Variants in ARMC9 observed in about 807,000 individuals in gnomAD.
The protein encoded by ARMC9 is lisH domain-containing protein ARMC9.
A neutral mutation model predicts 107.0 loss-of-function variants in ARMC9; 94 were observed. The observed-to-expected ratio is 0.88, with a 90% CI of 0.74 to 1.04. The LOEUF (loss-of-function observed/expected upper bound fraction) is 1.04. Among genes scored for constraint, ARMC9 ranks in the 50% least tolerant of loss-of-function variants. ARMC9 has a pLI of 0.00. For synonymous variants in ARMC9, 380 were observed against 396.9 expected (o/e 0.96, Z 0.51); for missense variants, 942 against 1,030.1 (o/e 0.91, Z 1.17).
At chr2:231,278,348 C>T in intron 15 of ARMC9, 34 bp from the exon 16 acceptor site, 1 of 1,606,118 alleles carries the variant, frequency 6.2e-7, no homozygotes, top group Non-Finnish European at 8.5e-7. Context: ...TGGGTTTAGA[C>T]ATGTCATGTT....
At position 231,358,600 on chromosome 2, in the gene ARMC9, G is replaced by A. The variant is rs114903745; in HGVS notation, c.2132-2154G>A. ...CTCGCTGCTGAGTCTGGCCTGTGCT[G>A]GGAACTAACGCCCCACCCAGAGACC... is the stretch of plus-strand genomic sequence containing the variant. On this transcript the variant is annotated intron_variant, in intron 22 of 24. Transcript: ENST00000611582. This position sits in a 1 kb window ranked among gnomAD's most constrained non-coding sequence, Gnocchi z 4.5. Among the ~76,000 whole-genome samples, 747 of 152,254 alleles carry A rather than the reference G, an allele frequency of 4.9e-3. 6 individuals are homozygous for A. Among genetic ancestry groups the A allele is most frequent in the African/African-American group, 0.017 (707 of 41,542 alleles).
intron 1 of ARMC9, among the ~76,000 whole-genome samples, chr2:231,202,319 CTT>C (rs745728209): frequency 1.0e-4 from 13 of 123,876 alleles, no homozygotes; most frequent in Admixed American, 1.7e-4. Context: ...TCTTGTTTCA[CTT>C]TTTTTTTTTT....
At chr2:231,370,319 G>A (rs1396391941) in intron 24 of ARMC9, among the ~76,000 whole-genome samples, 194 bp downstream of exon 24, 3 of 152,212 alleles carry the variant, frequency 2.0e-5, no homozygotes, top group Non-Finnish European at 4.4e-5. Context: ...GACCGGTTCT[G>A]CATGAATCTT....
chr2:231,301,701 G>A (rs944739312), intron 19 of ARMC9, among the ~76,000 whole-genome samples: 4 of 151,878 alleles, frequency 2.6e-5, no homozygotes, highest in African/African-American at 9.7e-5. Context: ...AGATTGAGGC[G>A]GGATGTGGTG....
At chr2:231,342,774 C>G (rs1459316546) in intron 20 of ARMC9, among the ~76,000 whole-genome samples, 1 of 152,164 alleles carries the variant, frequency 6.6e-6, no homozygotes, top group Non-Finnish European at 1.5e-5. Context: ...GGCGACGCAA[C>G]TGCATTTTAG....
At chr2:231,259,174 T>C (rs2038110792) in intron 11 of ARMC9, 72 bp downstream of exon 11, 1 of 1,290,562 alleles carries the variant, frequency 7.7e-7, no homozygotes, top group South Asian at 1.3e-5. Flanking sequence ...GCTACCTTGC[T>C]TATATCTTTT....
intron 9 of ARMC9, among the ~76,000 whole-genome samples, chr2:231,254,066 C>G (rs2125399506): frequency 6.6e-6 from 1 of 152,196 alleles, no homozygotes; most frequent in South Asian, 2.1e-4. Flanking sequence ...ACAGCTGGCT[C>G]TCGGGGAACA....
At chr2:231,259,945 A>G (rs1280203223) in intron 11 of ARMC9, among the ~76,000 whole-genome samples, 1 of 152,188 alleles carries the variant, frequency 6.6e-6, no homozygotes, top group African/African-American at 2.4e-5. Context: ...GCAGTGAGCC[A>G]AGATCACACC....
chr2:231,226,543 G>C (rs1046879749), intron 6 of ARMC9, among the ~76,000 whole-genome samples: 1 of 152,178 alleles, frequency 6.6e-6, no homozygotes, highest in African/African-American at 2.4e-5. Flanking sequence ...TTCAGACAGT[G>C]ATAATTGAAA....
chr2:231,310,174 G>A (rs1373608563), intron 19 of ARMC9, among the ~76,000 whole-genome samples: 1 of 152,182 alleles, frequency 6.6e-6, no homozygotes, highest in East Asian at 1.9e-4. Flanking sequence ...CAGCACTTTG[G>A]GAGGCTGAGG....
At chr2:231,361,989 G>A (rs2045606325) in intron 23 of ARMC9, among the ~76,000 whole-genome samples, 1 of 152,180 alleles carries the variant, frequency 6.6e-6, no homozygotes, top group African/African-American at 2.4e-5. Context: ...AATCGGAACT[G>A]TGGGAAGGAT....
chr2:231,314,025 A>T (rs1318302312), intron 19 of ARMC9, among the ~76,000 whole-genome samples: 1 of 147,046 alleles, frequency 6.8e-6, no homozygotes, highest in Non-Finnish European at 1.5e-5. Flanking sequence ...CTCCCAAAGT[A>T]CTGGGATTAC....
At chr2:231,202,439 C>T (rs1344222890) in intron 1 of ARMC9, among the ~76,000 whole-genome samples, 1 of 150,940 alleles carries the variant, frequency 6.6e-6, no homozygotes, top group Non-Finnish European at 1.5e-5. Context: ...CCTCCTGTCT[C>T]ATCCTCCCCA....
chr2:231,241,210 A>C (rs2036267135), intron 9 of ARMC9, among the ~76,000 whole-genome samples: 1 of 152,008 alleles, frequency 6.6e-6, no homozygotes, highest in Non-Finnish European at 1.5e-5. Context: ...AAAAAAAAAA[A>C]AAAAAATAGA....
At chr2:231,357,588 A>G (rs939545193) in intron 22 of ARMC9, among the ~76,000 whole-genome samples, 60 of 151,752 alleles carry the variant, frequency 4.0e-4, no homozygotes, top group African/African-American at 4.8e-5. Flanking sequence ...ACTTTATTTT[A>G]TTTTATTTTG....
chr2:231,349,861 A>T (rs1206642032), intron 21 of ARMC9, among the ~76,000 whole-genome samples: 1 of 152,174 alleles, frequency 6.6e-6, no homozygotes, highest in African/African-American at 2.4e-5. Flanking sequence ...TGTACATTTT[A>T]AAATAACTAA....
intron 9 of ARMC9, among the ~76,000 whole-genome samples, chr2:231,242,733 T>C (rs967030190): frequency 6.6e-6 from 1 of 152,222 alleles, no homozygotes; most frequent in Non-Finnish European, 1.5e-5. Context: ...CTAGGTTCAG[T>C]TTATAAAATC....
At chr2:231,341,170 T>C (rs1031271830) in intron 20 of ARMC9, among the ~76,000 whole-genome samples, 1 of 152,132 alleles carries the variant, frequency 6.6e-6, no homozygotes, top group Non-Finnish European at 1.5e-5. Flanking sequence ...CCAGCCTAGG[T>C]GGCAGAGCAA....
At chr2:231,261,952 AG>A (rs1180185713) in intron 11 of ARMC9, among the ~76,000 whole-genome samples, 2 of 134,722 alleles carry the variant, frequency 1.5e-5, no homozygotes, top group Non-Finnish European at 3.2e-5. Context: ...CCTCCCGAGT[AG>A]CTGGGTCTAC....
Sources: gnomAD v4.1 joint callset for allele counts (sites outside exome capture counted in the v4.1 genomes callset) on GRCh38, gnomAD v4.1.1 for gene constraint, Gnocchi (gnomAD v3.1) non-coding constraint, MANE v1.5 for transcripts, NCBI Gene and HGNC (gene_info 2026-07-23, HGNC 2026-07-21) for gene names.